Variants in MED12 observed in about 807,000 individuals in gnomAD.
The protein encoded by MED12 is mediator of RNA polymerase II transcription subunit 12.
Under a neutral mutation model 177.7 loss-of-function variants are expected in MED12, and 10 were observed. That is an observed-to-expected ratio of 0.06 (90% CI 0.03 to 0.10). The LOEUF (loss-of-function observed/expected upper bound fraction) is 0.10, where lower values mean the gene tolerates loss of function less well. Among genes scored for constraint, MED12 ranks in the 10% least tolerant of loss-of-function variants. The pLI is 1.00. For synonymous variants in MED12, 641 were observed against 678.4 expected, an observed-to-expected ratio of 0.94 and a Z score of 0.86; for missense variants, 867 against 1,780.8, an observed-to-expected ratio of 0.49 and a Z score of 9.23.
intron 15 of MED12, 80 bp from the exon 16 acceptor site, chrX:71,125,271 A>G: frequency 8.3e-7 from 1 of 1,198,855 alleles, no homozygotes; most frequent in Admixed American, 2.2e-5. Flanking sequence ...TAGCATGTGG[A>G]TGCTGAGGGG....
At position 71,132,830 on chromosome X, in the gene MED12, T is replaced by TTCTCTTCTC; in HGVS notation, c.4416-9_4416-8insCTCTCTCTT. ...CTTCTCTTCTCTTCTCTTCTCTTCT[T>TTCTCTTCTC]TCTCTTGTCTCTAGCATGTCCCTAT... On this transcript the variant is annotated splice_polypyrimidine_tract_variant and intron_variant, in intron 31 of 44. Coordinates refer to ENST00000374080, the MANE Select transcript of MED12 (RefSeq NM_005120.3). 7.3e-6 allele frequency: 7 copies of TTCTCTTCTC among 959,782 alleles called. No individual in the cohort carries two copies. The South Asian group carries it at 1.1e-4, about 14-fold the overall frequency. The allele number at this position is 959,782 out of a possible 1,213,427, so 79.1% of individuals were successfully genotyped here.
chrX:71,120,301 A>T, intron 4 of MED12, 131 bp downstream of exon 4: 3 of 733,544 alleles, frequency 4.1e-6, no homozygotes, highest in Non-Finnish European at 6.2e-6. Context: ...TGATCAGTAA[A>T]CACTGAGAAA....
At chrX:71,135,281 T>C in intron 36 of MED12, 28 bp downstream of exon 36, 1 of 1,211,001 alleles carries the variant, frequency 8.3e-7, no homozygotes, top group Non-Finnish European at 1.1e-6. Flanking sequence ...CCCGTGTCCC[T>C]TGCCTTTTTT....
chrX:71,129,440 A>T lies in MED12; in HGVS notation c.3691+11A>T. 1 of 1,134,263 alleles carries T rather than the reference A, an allele frequency of 8.8e-7. No homozygotes were observed. The highest frequency in any genetic ancestry group is 2.4e-4 in the Middle Eastern group (1 of 4,173). The allele number at this position is 1,134,263 out of a possible 1,213,427, so 93.5% of individuals were successfully genotyped here. Reference sequence around the variant, plus strand: ...CTGTGTTTGTACTTGGTACGGGGGTAGGAAGGGAGTGGTGCCAGAAGTGTG... The same window carrying T: ...CTGTGTTTGTACTTGGTACGGGGGTTGGAAGGGAGTGGTGCCAGAAGTGTG... On this transcript the variant is annotated intron_variant, in intron 26 of 44. Coordinates refer to ENST00000374080, the MANE Select transcript of MED12 (RefSeq NM_005120.3).
chrX:71,126,954 C>T lies in MED12; in HGVS notation c.2686-15C>T, dbSNP rs200842589. On this transcript the variant is annotated splice_polypyrimidine_tract_variant and intron_variant, in intron 19 of 44. Coordinates refer to ENST00000374080, the MANE Select transcript of MED12 (RefSeq NM_005120.3). ...GGGGCCTCTTTGCATTTCTCACCCC[C>T]GTTTACTCTGCTAGCTGCTGAATGA... 50 of 1,206,723 alleles carry T rather than the reference C, an allele frequency of 4.1e-5. No individual in the cohort carries two copies. The highest frequency in any genetic ancestry group is 2.3e-4 in the Middle Eastern group (1 of 4,360).
rs1218937305 is a variant in MED12 at position 71,130,233 on chromosome X, G to C, written c.4047+19G>C. The C allele has an allele frequency of 8.4e-7, 1 of 1,194,466 alleles. No individual in the cohort carries two copies. Among genetic ancestry groups the C allele is most frequent in the Non-Finnish European group, 1.1e-6 (1 of 885,989 alleles). On this transcript the variant is annotated intron_variant, in intron 28 of 44. Coordinates refer to ENST00000374080, the MANE Select transcript of MED12 (RefSeq NM_005120.3). ...TCTCCAGGTAGGCCAAGGCCGTGGGGGCTGTGGAGGAAGCAGTGGGCCCAA... is the reference window on the plus strand; with the variant it reads ...TCTCCAGGTAGGCCAAGGCCGTGGGCGCTGTGGAGGAAGCAGTGGGCCCAA...
rs587778437 is a variant in MED12 at position 71,131,613 on chromosome X, C to T, written c.4111C>T (p.Pro1371Ser). Residue 1371 changes from proline (P) to serine (S), a missense_variant, in exon 29 of 45, where the codon CCT (proline) becomes TCT (serine). Physicochemically the swap from Pro to Ser is moderately conservative, Grantham distance 74. Transcript: ENST00000374080. ...LELQLMIKQT[P>S]NNEMNSLLEN... ...GCTGCAGCTCATGATCAAGCAGACC[C>T]CTAACAATGTGAGTAGTGCCTGGAC... 2.4e-4 allele frequency: 287 copies of T among 1,208,275 alleles called. No homozygotes were observed. Among genetic ancestry groups the T allele is most frequent in the East Asian group, 4.2e-4 (14 of 33,719 alleles).
chrX:71,136,590 A>G lies in MED12; in HGVS notation c.5335A>G (p.Thr1779Ala). The change falls in exon 37 of 45, where the codon ACT (threonine) becomes GCT (alanine). Residue 1779 changes from threonine (T) to alanine (A), a missense_variant. Physicochemically the swap from Thr to Ala is moderately conservative, Grantham distance 58. Coordinates refer to ENST00000374080, the MANE Select transcript of MED12 (RefSeq NM_005120.3). Reference protein sequence around the residue: ...TDKPGAAPPSTEERKKKSTKG... With the variant: ...TDKPGAAPPSAEERKKKSTKG... ...CAAACCGGGGGCTGCTCCACCCAGT[A>G]CTGAGGAACGCAAGAAGAAGTCCAC... is the stretch of plus-strand genomic sequence containing the variant. 1 of 1,205,339 alleles carries G rather than the reference A, an allele frequency of 8.3e-7. No individual in the cohort carries two copies. The highest frequency in any genetic ancestry group is 1.1e-6 in the Non-Finnish European group (1 of 892,873).
rs201044355 is a variant in MED12, at chrX:71,130,195, G to A, written c.4028G>A (p.Arg1343His). 17 of 1,205,105 alleles carry A rather than the reference G, an allele frequency of 1.4e-5. No homozygotes were observed. Among genetic ancestry groups the A allele is most frequent in the African/African-American group, 3.5e-5 (2 of 57,464 alleles). The change falls in exon 28 of 45, where the codon CGC becomes CAC. Residue 1343 changes from arginine (R) to histidine (H), a missense_variant. Arg to His is a conservative substitution (Grantham distance 29). Transcript: ENST00000374080. ...GATGGGGAAAACCCCCAGCGGCAGC[G>A]CATAAAGCGCATTCTCCAGGTAGGC... ...NEDGENPQRQ[R>H]IKRILQNLDQ...
Position 71,137,560 on chromosome X carries a change from G to A in MED12, c.5751G>A (p.Gln1917=), listed in dbSNP as rs2092335821. Residue 1917 remains glutamine, a splice_region_variant and synonymous_variant, in exon 40 of 45, where the codon CAG becomes CAA. Transcript: ENST00000374080. ...GTTGTTCTCTTTTCTCCCTTTAGCA[G>A]AGTCAGGGCATGTTGGGACAGTCAT... ...QGQRLRQQLQ[Q]SQGMLGQSSV... 1 of 1,208,970 alleles carries A rather than the reference G, an allele frequency of 8.3e-7. No homozygotes were observed. Among genetic ancestry groups the A allele is most frequent in the Non-Finnish European group, 1.1e-6 (1 of 893,635 alleles).
intron 13 of MED12, 104 bp from the exon 14 acceptor site, chrX:71,124,660 T>C: frequency 1.5e-6 from 1 of 651,274 alleles, no homozygotes; most frequent in Admixed American, 2.6e-5. Context: ...TCCTGTGCTT[T>C]CCCCAATCTG....
At chrX:71,138,089 A>G in intron 41 of MED12, 146 bp downstream of exon 41, 1 of 580,707 alleles carries the variant, frequency 1.7e-6, no homozygotes, top group South Asian at 2.5e-5. Flanking sequence ...GCCCATAACC[A>G]CAGAAGTCTC....
intron 26 of MED12, 86 bp from the exon 27 acceptor site, chrX:71,129,594 G>A (rs947936047): frequency 9.0e-7 from 1 of 1,115,034 alleles, no homozygotes; most frequent in Non-Finnish European, 1.2e-6. Context: ...GATTTGGGGT[G>A]TTTCTACCTC....
At chrX:71,122,696 C>T (rs745418910) in intron 9 of MED12, 42 bp from the exon 10 acceptor site, 12 of 1,206,753 alleles carry the variant, frequency 9.9e-6, no homozygotes, top group African/African-American at 3.5e-5. Flanking sequence ...CAGAATGCAC[C>T]GGGCCTCTGG....
Position 71,126,407 on chromosome X carries a change from G to T in MED12, c.2608G>T (p.Val870Leu). The change falls in exon 19 of 45, where the codon GTG (valine) becomes TTG (leucine). Residue 870 changes from valine to leucine, a missense_variant. Val to Leu is a conservative substitution (Grantham distance 32, BLOSUM62 1). Coordinates refer to ENST00000374080, the MANE Select transcript of MED12 (RefSeq NM_005120.3). ...TGGCATGTCATACCACTTGCCTCTGGTGCAGCATGTGCAGTTCATCTTCGA... is the reference window on the plus strand; with the variant it reads ...TGGCATGTCATACCACTTGCCTCTGTTGCAGCATGTGCAGTTCATCTTCGA... Reference protein sequence around the residue: ...ALGMSYHLPLVQHVQFIFDLM... With the variant: ...ALGMSYHLPLLQHVQFIFDLM... 2 of 1,211,180 alleles carry T rather than the reference G, an allele frequency of 1.7e-6. No individual in the cohort carries two copies. The highest frequency in any genetic ancestry group is 2.2e-6 in the Non-Finnish European group (2 of 894,880).
At position 71,125,020 on chromosome X, in the gene MED12, C is replaced by G; in HGVS notation, c.2100C>G (p.Ser700=). 2 of 1,210,936 alleles carry G rather than the reference C, an allele frequency of 1.7e-6. No individual in the cohort carries two copies. Among genetic ancestry groups the G allele is most frequent in the East Asian group, 5.9e-5 (2 of 33,797 alleles). The part of the protein sequence containing the change: ...TMPCEGKGSP[S]PEKPDVEKEV... ...CCTGTGAGGGGAAGGGCAGTCCATCCCCTGAGAAGCCAGATGTCGAGAAGG... is the reference window on the plus strand; with the variant it reads ...CCTGTGAGGGGAAGGGCAGTCCATCGCCTGAGAAGCCAGATGTCGAGAAGG... Residue 700 remains serine (S), a synonymous_variant, in exon 15 of 45, where the codon TCC becomes TCG. Coordinates refer to ENST00000374080, the MANE Select transcript of MED12 (RefSeq NM_005120.3).
At chrX:71,131,804 G>T (rs147423866) in intron 29 of MED12, among the ~76,000 whole-genome samples, 183 bp downstream of exon 29, 25 of 111,312 alleles carry the variant, frequency 2.2e-4, no homozygotes, top group Non-Finnish European at 4.5e-4. Flanking sequence ...GAGTGTTGGA[G>T]CTCTGAGCTG....
At chrX:71,137,149 G>A in intron 38 of MED12, 38 bp from the exon 39 acceptor site, 1 of 1,201,998 alleles carries the variant, frequency 8.3e-7, no homozygotes, top group Non-Finnish European at 1.1e-6. Flanking sequence ...GAGACAGAGG[G>A]ATGAGGAGCC....
rs766830015 is a variant in MED12, at chrX:71,136,963, A to G, written c.5485A>G (p.Ile1829Val). The change falls in exon 38 of 45, where the codon ATA becomes GTA. Residue 1829 changes from isoleucine to valine, a missense_variant. Around this residue, in one of 14 missense-constraint regions of MED12, gnomAD observed 236 missense variants for 345.2 expected, o/e 0.68. Transcript: ENST00000374080. ...DLLHHPNPGSITHLNYRQGSI... is the reference protein window; with the variant it reads ...DLLHHPNPGSVTHLNYRQGSI... ...CCTGCACCACCCAAACCCTGGTTCTATAACACACCTTAACTACAGGCAAGG... is the reference window on the plus strand; with the variant it reads ...CCTGCACCACCCAAACCCTGGTTCTGTAACACACCTTAACTACAGGCAAGG... 1.7e-6 allele frequency: 2 copies of G among 1,209,477 alleles called. No individual in the cohort carries two copies. The highest frequency in any genetic ancestry group is 2.2e-6 in the Non-Finnish European group (2 of 895,026).
Sources: gnomAD v4.1 joint callset for allele counts (sites outside exome capture counted in the v4.1 genomes callset) on GRCh38, gnomAD v4.1.1 for gene constraint, gnomAD v4.1.1 regional missense constraint, MANE v1.5 for transcripts, NCBI Gene and HGNC (gene_info 2026-07-23, HGNC 2026-07-21) for gene names.